The following CUL3 variants were observed in gnomAD, a reference collection of about 807,000 sequenced individuals.
CUL3 encodes the protein cullin-3.
Under a neutral mutation model 89.1 loss-of-function variants are expected in CUL3, and 19 were observed. The observed-to-expected ratio is 0.21, with a 90% CI of 0.15 to 0.31. The LOEUF (loss-of-function observed/expected upper bound fraction) is 0.31, where lower values mean the gene tolerates loss of function less well. CUL3 is among the 10% of genes least tolerant of loss of function. CUL3 has a pLI of 1.00. For synonymous variants in CUL3, 351 were observed against 308.4 expected (o/e 1.14, Z -1.45); for missense variants, 469 against 942.3 (o/e 0.50, Z 6.58).
chr2:224,526,585 C>CAAAAAAAAAAAA (rs1166152595), intron 3 of CUL3, among the ~76,000 whole-genome samples: 6 of 26,164 alleles, frequency 2.3e-4, no homozygotes, highest in Admixed American at 4.5e-4. Flanking sequence ...GACTCCGTCT[C>CAAAAAAAAAAAA]AAAAAAAAAA....
At chr2:224,561,814 C>T (rs11693367) in intron 1 of CUL3, among the ~76,000 whole-genome samples, 6 of 152,098 alleles carry the variant, frequency 3.9e-5, no homozygotes, top group Admixed American at 6.6e-5. Context: ...TAGCTACGTA[C>T]GTGCAATGTG....
chr2:224,520,981 A>C (rs1167389975), intron 3 of CUL3, among the ~76,000 whole-genome samples: 1 of 152,214 alleles, frequency 6.6e-6, no homozygotes, highest in Admixed American at 6.5e-5. Context: ...GGTGTCTCTT[A>C]AAGTGCGCTA....
At chr2:224,556,893 T>C (rs949765706) in intron 2 of CUL3, among the ~76,000 whole-genome samples, 2 of 152,094 alleles carry the variant, frequency 1.3e-5, no homozygotes, top group Non-Finnish European at 2.9e-5. Context: ...CTGGTGAATC[T>C]AGGTGAAGGG....
At chr2:224,511,766 G>A (rs1382867013) in intron 5 of CUL3, among the ~76,000 whole-genome samples, 184 bp from the exon 6 acceptor site, 3 of 152,038 alleles carry the variant, frequency 2.0e-5, no homozygotes, top group African/African-American at 7.2e-5. Flanking sequence ...AAAGCCTTTG[G>A]TATTTACATA....
chr2:224,491,603 T>C (rs1025758053), intron 13 of CUL3, among the ~76,000 whole-genome samples: 10 of 152,200 alleles, frequency 6.6e-5, no homozygotes, highest in African/African-American at 1.9e-4. Flanking sequence ...CAAGGCATAA[T>C]AGTAGTAGTA....
Position 224,585,257 on chromosome 2 carries a change from G to C in CUL3, c.-248C>G, listed in dbSNP as rs1695558360. On this transcript the variant is annotated 5_prime_UTR_variant, in exon 1 of 16. Coordinates refer to ENST00000264414, the MANE Select transcript of CUL3 (RefSeq NM_003590.5). ...GGCTGCGCTGGCGCGGCGGCTCCGC[G>C]GGGTCCCCCTCACGTCCGGCTCGGC... 2 of 390,270 alleles carry C rather than the reference G, an allele frequency of 5.1e-6. No homozygotes were observed. Among genetic ancestry groups the C allele is most frequent in the Admixed American group, 9.1e-5 (2 of 21,944 alleles). 24.2% of individuals were successfully genotyped at this position (390,270 alleles called of 1,614,324 possible).
At chr2:224,538,833 A>T (rs2106270143) in intron 2 of CUL3, among the ~76,000 whole-genome samples, 1 of 152,314 alleles carries the variant, frequency 6.6e-6, no homozygotes, top group South Asian at 2.1e-4. Flanking sequence ...ACAGTGGATC[A>T]CAAATCAGGC....
intron 15 of CUL3, among the ~76,000 whole-genome samples, chr2:224,475,723 T>C (rs1691294429): frequency 6.6e-6 from 1 of 152,104 alleles, no homozygotes; most frequent in Non-Finnish European, 1.5e-5. Flanking sequence ...CTCCCTCCCC[T>C]GTTTAACCGA....
chr2:224,475,992 C>T (rs1167536464), intron 15 of CUL3, among the ~76,000 whole-genome samples: 1 of 151,972 alleles, frequency 6.6e-6, no homozygotes, highest in Non-Finnish European at 1.5e-5. Flanking sequence ...TAAAATTTTA[C>T]TGAAACACAG....
At chr2:224,556,473 C>CA (rs1377278576) in intron 2 of CUL3, 2 of 151,962 alleles carry the variant, frequency 1.3e-5, no homozygotes, top group African/African-American at 4.8e-5. Context: ...TCAGACACAC[C>CA]AAAAACTGAG....
At chr2:224,507,919 G>GT (rs1283699884) in intron 6 of CUL3, among the ~76,000 whole-genome samples, 3 of 152,068 alleles carry the variant, frequency 2.0e-5, no homozygotes, top group African/African-American at 4.8e-5. Flanking sequence ...GCTGACCAAT[G>GT]TTTTTTCTGT....
chr2:224,580,942 A>C (rs1383846343), intron 1 of CUL3, among the ~76,000 whole-genome samples: 3 of 151,742 alleles, frequency 2.0e-5, no homozygotes, highest in Non-Finnish European at 1.5e-5. Context: ...AATGAAAGAA[A>C]TGGGGGCGTG....
chr2:224,570,440 G>A (rs1371679223), intron 1 of CUL3, among the ~76,000 whole-genome samples: 2 of 152,206 alleles, frequency 1.3e-5, no homozygotes, highest in East Asian at 3.8e-4. Flanking sequence ...AATTAAGAAA[G>A]TCTGTGAAAG....
chr2:224,504,345 C>T (rs755138957), intron 8 of CUL3: 2 of 152,094 alleles, frequency 1.3e-5, no homozygotes, highest in Non-Finnish European at 2.9e-5. Flanking sequence ...CGGAGTTTCA[C>T]TCGTTGCCCA....
Position 224,513,677 on chromosome 2 carries a change from C to T in CUL3, c.540-39G>A, listed in dbSNP as rs776419716. The T allele has an allele frequency of 1.7e-5, 23 of 1,338,648 alleles. 1 individual carries two copies. Among genetic ancestry groups the T allele is most frequent in the Non-Finnish European group, 2.4e-5 (23 of 965,094 alleles). 82.9% of individuals were successfully genotyped at this position (1,338,648 alleles called of 1,614,324 possible). ...TTATTATCACTTGATAATTAAATTA[C>T]ATTTAAAAATTCACATAAAAATTAC... On this transcript the variant is annotated intron_variant, in intron 4 of 15. Transcript: ENST00000264414.
chr2:224,574,292 T>C (rs1233266332), intron 1 of CUL3, among the ~76,000 whole-genome samples: 1 of 152,158 alleles, frequency 6.6e-6, no homozygotes, highest in Non-Finnish European at 1.5e-5. Context: ...ATTAGGAAGT[T>C]TTGCTTAGTT....
chr2:224,500,798 A>G (rs1692358301), intron 10 of CUL3, among the ~76,000 whole-genome samples: 1 of 151,582 alleles, frequency 6.6e-6, no homozygotes, highest in African/African-American at 2.4e-5. Flanking sequence ...CTGATTTTGT[A>G]TTTTTAGTAG....
intron 10 of CUL3, among the ~76,000 whole-genome samples, chr2:224,501,176 T>C (rs926374804): frequency 1.3e-5 from 2 of 152,212 alleles, no homozygotes; most frequent in African/African-American, 4.8e-5. Context: ...GTCTCAGTTT[T>C]AAAATATTTT....
intron 1 of CUL3, among the ~76,000 whole-genome samples, chr2:224,570,407 C>T (rs1433981895): frequency 6.6e-6 from 1 of 152,166 alleles, no homozygotes; most frequent in Non-Finnish European, 1.5e-5. Context: ...GCCAGAGAAA[C>T]GTGAGACGGT....
Sources: allele counts gnomAD v4.1 joint callset (sites outside exome capture counted in the v4.1 genomes callset), GRCh38; gene constraint gnomAD v4.1.1; transcripts MANE v1.5; gene names NCBI Gene and HGNC (gene_info 2026-07-23, HGNC 2026-07-21).